LIG1: variants seen among roughly 807,000 people sequenced by gnomAD.
LIG1 encodes DNA ligase 1.
In LIG1, 70 loss-of-function variants were observed where a neutral mutation model predicts 115.7. The observed-to-expected ratio is 0.60, with a 90% CI of 0.50 to 0.74. LIG1 has a LOEUF of 0.74. Among genes scored for constraint, LIG1 ranks in the 30% least tolerant of loss-of-function variants. The pLI is 0.00. For synonymous variants in LIG1, 487 were observed against 495.3 expected (o/e 0.98, Z 0.22); for missense variants, 1,115 against 1,225.6 (o/e 0.91, Z 1.35).
At chr19:48,151,052 T>C (rs531401292) in intron 7 of LIG1, among the ~76,000 whole-genome samples, 180 bp downstream of exon 7, 7 of 151,282 alleles carry the variant, frequency 4.6e-5, no homozygotes, top group African/African-American at 1.7e-4. Flanking sequence ...CCCACATGCA[T>C]GGGGAAAAAT....
At chr19:48,169,972 A>C (rs1436829464) in intron 1 of LIG1, 4 of 176,594 alleles carry the variant, frequency 2.3e-5, no homozygotes, top group Middle Eastern at 2.3e-3. Flanking sequence ...GTGAACTCGC[A>C]CCTCAAGGCC....
intron 5 of LIG1, among the ~76,000 whole-genome samples, chr19:48,154,854 A>G (rs1201523875): frequency 6.6e-6 from 1 of 151,796 alleles, no homozygotes; most frequent in Non-Finnish European, 1.5e-5. Context: ...ATGACTCCAC[A>G]TTCTCTGCTT....
At chr19:48,121,140 C>T in intron 24 of LIG1, 30 bp downstream of exon 24, 2 of 1,614,096 alleles carry the variant, frequency 1.2e-6, no homozygotes, top group Non-Finnish European at 1.7e-6. Context: ...TTCCCTCCTG[C>T]TTCTGCCATC....
In LIG1 at chr19:48,153,925, T is replaced by G. The variant is rs1178210778; in HGVS notation, c.413A>C (p.Glu138Ala). The G allele has an allele frequency of 9.3e-6, 15 of 1,613,238 alleles. No homozygotes were observed. The highest frequency in any genetic ancestry group is 1.3e-5 in the Non-Finnish European group (15 of 1,179,726). ...TCTGTCCTCGTCCTCACTCTGCTCT[T>G]CCAGGACTTCCTGAATGGTCCGTTT... ...LPKRTIQEVL[E>A]EQSEDEDREA... The change falls in exon 6 of 28, where the codon GAA becomes GCA. Residue 138 changes from glutamate (E) to alanine (A), a missense_variant. Transcript: ENST00000263274.
In LIG1 at chr19:48,131,075, C is replaced by T. The variant is rs760734658; in HGVS notation, c.1821+1G>A. The T allele has an allele frequency of 6.2e-7, 1 of 1,613,756 alleles. No individual in the cohort carries two copies. Among genetic ancestry groups the T allele is most frequent in the Non-Finnish European group, 8.5e-7 (1 of 1,179,642 alleles). On this transcript the variant is annotated splice_donor_variant, in intron 19 of 27. Coordinates refer to ENST00000263274, the MANE Select transcript of LIG1 (RefSeq NM_000234.3). LOFTEE classifies it high-confidence loss of function. ...AGTGCAAGTGTGTGGCAGACGCCCA[C>T]CTTGGGGATGCGGCTGATGATGTCC... is the stretch of plus-strand genomic sequence containing the variant.
chr19:48,166,741 C>T (rs376482841), intron 1 of LIG1, among the ~76,000 whole-genome samples: 2 of 151,670 alleles, frequency 1.3e-5, no homozygotes, highest in South Asian at 4.2e-4. Context: ...GAGGCCGAAG[C>T]GGGTGGATCG....
In LIG1 at chr19:48,137,481, A is replaced by G; in HGVS notation, c.1254+41T>C. Reference sequence around the variant, plus strand: ...GACACACGCGTGGCCTCAGGTCCCCAAGATGTCTGGGGTCCGGGATGAGCG... The same window carrying G: ...GACACACGCGTGGCCTCAGGTCCCCGAGATGTCTGGGGTCCGGGATGAGCG... On this transcript the variant is annotated intron_variant, in intron 13 of 27. Coordinates refer to ENST00000263274, the MANE Select transcript of LIG1 (RefSeq NM_000234.3). This position sits in a 1 kb window ranked among gnomAD's most constrained non-coding sequence, Gnocchi z 4.3. 1 of 1,606,126 alleles carries G rather than the reference A, an allele frequency of 6.2e-7. No homozygotes were observed. The highest frequency in any genetic ancestry group is 8.5e-7 in the Non-Finnish European group (1 of 1,179,730).
intron 24 of LIG1, among the ~76,000 whole-genome samples, chr19:48,119,852 T>C (rs1304128149): frequency 1.3e-5 from 2 of 152,142 alleles, no homozygotes; most frequent in African/African-American, 4.8e-5. Flanking sequence ...CCATCTCCAA[T>C]GTTAACACTG....
intron 9 of LIG1, among the ~76,000 whole-genome samples, chr19:48,146,822 G>C (rs926667310): frequency 7.2e-5 from 11 of 152,208 alleles, no homozygotes; most frequent in African/African-American, 2.4e-4. Flanking sequence ...ATGGCAATGG[G>C]GAAGAAATAA....
intron 19 of LIG1, among the ~76,000 whole-genome samples, chr19:48,129,148 G>A (rs111534659): frequency 0.016 from 2,365 of 152,084 alleles, 43 homozygotes; most frequent in Middle Eastern, 0.061. Context: ...TGCCTCCCAC[G>A]TTCAAGTGAT....
At chr19:48,169,177 A>C (rs910892569) in intron 1 of LIG1, among the ~76,000 whole-genome samples, 2 of 152,236 alleles carry the variant, frequency 1.3e-5, no homozygotes, top group African/African-American at 4.8e-5. Context: ...GATGGTGAAC[A>C]CATTAGCGGT....
At chr19:48,139,859 C>T (rs1323267988) in intron 12 of LIG1, 112 bp downstream of exon 12, 3 of 1,299,400 alleles carry the variant, frequency 2.3e-6, no homozygotes, top group African/African-American at 2.9e-5. Context: ...CAGCCTTCTC[C>T]TCAACCCTGT....
At chr19:48,131,551 C>T (rs1225576015) in intron 18 of LIG1, among the ~76,000 whole-genome samples, 1 of 152,178 alleles carries the variant, frequency 6.6e-6, no homozygotes, top group South Asian at 2.1e-4. Context: ...CTCCACCTCC[C>T]GGGTTCAAGA....
chr19:48,130,711 A>G (rs1486385716), intron 19 of LIG1, among the ~76,000 whole-genome samples: 1 of 152,216 alleles, frequency 6.6e-6, no homozygotes, highest in African/African-American at 2.4e-5. Flanking sequence ...AACTCAAGCT[A>G]GAATCCCTTT....
At chr19:48,136,533 C>G (rs547428339) in intron 14 of LIG1, among the ~76,000 whole-genome samples, 24 of 152,274 alleles carry the variant, frequency 1.6e-4, no homozygotes, top group African/African-American at 5.3e-4. Context: ...AGTTTGCCTC[C>G]CCATGTCTCC....
chr19:48,122,430 CCCTG>C lies in LIG1; in HGVS notation c.2232+500_2232+503del. 9.3e-6 allele frequency: 2 copies of C among 214,350 alleles called. No homozygotes were observed. Among genetic ancestry groups the C allele is most frequent in the Non-Finnish European group, 1.9e-5 (2 of 105,282 alleles). The allele number at this position is 214,350 out of a possible 1,614,324, so 13.3% of individuals were successfully genotyped here. ...ACCTCCCGCCTCGCCTGCCCTTGCTCCCTGCACACGCAGAGGCTGCTCCTCCCTC... is the reference window on the plus strand; with the variant it reads ...ACCTCCCGCCTCGCCTGCCCTTGCTCCACACGCAGAGGCTGCTCCTCCCTC... On this transcript the variant is annotated intron_variant, in intron 23 of 27. Coordinates refer to ENST00000263274, the MANE Select transcript of LIG1 (RefSeq NM_000234.3). The surrounding 1 kb of genome is among the most constrained non-coding windows in gnomAD (Gnocchi z 4.3).
At position 48,162,874 on chromosome 19, in the gene LIG1, A is replaced by G. The variant is rs144115185; in HGVS notation, c.18-523T>C. 1.6e-3 allele frequency among the ~76,000 whole-genome samples: 244 copies of G among 152,080 alleles called. 4 individuals carry two copies. The highest frequency in any genetic ancestry group is 5.5e-3 in the African/African-American group (227 of 41,482). ...TGCCCTAACGCACCTGCAAGATATG[A>G]TACATCCCAAGTTTTATTCAACAAA... On this transcript the variant is annotated intron_variant, in intron 2 of 27. Coordinates refer to ENST00000263274, the MANE Select transcript of LIG1 (RefSeq NM_000234.3).
chr19:48,124,504 G>A (rs1166640449), intron 21 of LIG1, among the ~76,000 whole-genome samples: 2 of 152,192 alleles, frequency 1.3e-5, no homozygotes, highest in African/African-American at 4.8e-5. Flanking sequence ...TAGCAATTGA[G>A]CCCTTGAAAT....
intron 21 of LIG1, 105 bp downstream of exon 21, chr19:48,127,172 A>AG: frequency 1.1e-6 from 1 of 914,380 alleles, no homozygotes; most frequent in South Asian, 1.3e-5. Context: ...CTTCCTGGCC[A>AG]TGTGAAGTGG....
Sources: allele counts gnomAD v4.1 joint callset (sites outside exome capture counted in the v4.1 genomes callset), GRCh38; gene constraint gnomAD v4.1.1; non-coding constraint Gnocchi (gnomAD v3.1); transcripts MANE v1.5; gene names NCBI Gene and HGNC (gene_info 2026-07-23, HGNC 2026-07-21).